BCAR1: variants seen among roughly 807,000 people sequenced by gnomAD.
BCAR1 encodes breast cancer anti-estrogen resistance protein 1.
BCAR1 carries 30 observed loss-of-function variants against 67.6 expected under a neutral mutation model. The observed-to-expected ratio is 0.44, with a 90% CI of 0.33 to 0.60. The LOEUF is 0.60. BCAR1 is among the 20% of genes least tolerant of loss of function. The pLI is 0.02. For synonymous variants in BCAR1, 626 were observed against 556.7 expected (o/e 1.12, Z -1.75); for missense variants, 1,313 against 1,222.3 (o/e 1.07, Z -1.11).
chr16:75,266,625 C>G, intron 1 of BCAR1: 2 of 936,990 alleles, frequency 2.1e-6, no homozygotes, highest in African/African-American at 1.7e-5. Flanking sequence ...TGGGCACGTG[C>G]ATGTTCGTCC....
At chr16:75,241,175 G>T (rs1450639377) in intron 2 of BCAR1, among the ~76,000 whole-genome samples, 6 of 152,222 alleles carry the variant, frequency 3.9e-5, no homozygotes, top group Admixed American at 1.3e-4. Context: ...ATGCACGTGT[G>T]TTTACACATA....
intron 1 of BCAR1, chr16:75,266,682 A>G: frequency 7.6e-7 from 1 of 1,318,186 alleles, no homozygotes. Flanking sequence ...GCCCCGTTAC[A>G]TTTCATAGGC....
intron 1 of BCAR1, chr16:75,250,747 TG>T: frequency 2.0e-6 from 2 of 985,490 alleles, no homozygotes; most frequent in Non-Finnish European, 2.4e-6. Context: ...CCCCCAACCA[TG>T]GACTCCAAAG....
At chr16:75,233,028 A>C (rs2076954828) in intron 6 of BCAR1, among the ~76,000 whole-genome samples, 2 of 152,060 alleles carry the variant, frequency 1.3e-5, no homozygotes, top group Admixed American at 1.3e-4. Context: ...AACTGATTCA[A>C]AATATGAGGA....
At chr16:75,257,145 T>C (rs905220946) in intron 1 of BCAR1, among the ~76,000 whole-genome samples, 2 of 152,030 alleles carry the variant, frequency 1.3e-5, no homozygotes, top group African/African-American at 4.8e-5. Flanking sequence ...ACTGGCCGGG[T>C]GGGCAGGGAT....
chr16:75,253,049 G>A (rs1361158131), upstream of BCAR1, among the ~76,000 whole-genome samples: 1 of 152,222 alleles, frequency 6.6e-6, no homozygotes, highest in South Asian at 2.1e-4. Context: ...ATGAGACAGA[G>A]CATGACCCAG....
chr16:75,255,688 C>T (rs187276487), upstream of BCAR1, among the ~76,000 whole-genome samples: 34 of 149,078 alleles, frequency 2.3e-4, no homozygotes, highest in African/African-American at 8.2e-4. Context: ...AAGGCTCCAT[C>T]TCAAAAAAAA....
rs369646650 is a variant in BCAR1, at chr16:75,238,322, G to C, written c.634-978C>G. ...TGCGCCCACACGCCTCCACCACCAG[G>C]CTCCCTGTTCAGCTCTCTCCACTGA... On this transcript the variant is annotated intron_variant, in intron 2 of 6. Transcript: ENST00000162330. 2.3e-5 allele frequency: 26 copies of C among 1,142,468 alleles called. 2 individuals are homozygous for C. In the Admixed American group the frequency reaches 3.9e-4, roughly 17 times the overall value. The allele number at this position is 1,142,468 out of a possible 1,614,324, so 70.8% of individuals were successfully genotyped here. A position where few individuals can be genotyped will look rare whatever the true frequency, so the allele number is the denominator to read the frequency against.
intron 4 of BCAR1, 116 bp from the exon 5 acceptor site, chr16:75,236,102 AGAGGCACG>A: frequency 1.5e-6 from 2 of 1,336,154 alleles, no homozygotes; most frequent in Non-Finnish European, 2.0e-6. Context: ...ACACACACAC[AGAGGCACG>A]CGCACACACA....
intron 2 of BCAR1, 150 bp downstream of exon 2, chr16:75,242,320 C>A (rs1334862861): frequency 3.2e-6 from 4 of 1,249,550 alleles, no homozygotes; most frequent in African/African-American, 1.5e-5. Flanking sequence ...GAACACCCCC[C>A]AAACACTCAC....
chr16:75,238,123 C>T, intron 2 of BCAR1: 2 of 1,288,102 alleles, frequency 1.6e-6, no homozygotes, highest in Non-Finnish European at 2.0e-6. Context: ...CCAAGGCCCG[C>T]ACAGTGGGTG....
intron 2 of BCAR1, chr16:75,239,154 T>G: frequency 2.1e-6 from 2 of 967,600 alleles, no homozygotes; most frequent in Non-Finnish European, 2.5e-6. Context: ...GGAAAAGCTC[T>G]TTAGGGGAAT....
At chr16:75,237,672 C>A (rs1428659701) in intron 2 of BCAR1, among the ~76,000 whole-genome samples, 2 of 152,178 alleles carry the variant, frequency 1.3e-5, no homozygotes, top group Non-Finnish European at 2.9e-5. Context: ...GGGTGAGGGG[C>A]TGAGGCCCTG....
chr16:75,256,375 C>T (rs117388600), upstream of BCAR1: 4,320 of 152,370 alleles, frequency 0.028, 105 homozygotes, highest in Non-Finnish European at 0.045. Flanking sequence ...GGAAGGTGGG[C>T]GGGCCCTATA....
At chr16:75,252,726 G>A (rs2077705512), upstream of BCAR1, among the ~76,000 whole-genome samples, 1 of 152,228 alleles carries the variant, frequency 6.6e-6, no homozygotes, top group Non-Finnish European at 1.5e-5. Context: ...TCTCAAGCAT[G>A]GCCTATGGAA....
At chr16:75,232,406 C>G (rs918329099) in intron 6 of BCAR1, among the ~76,000 whole-genome samples, 1 of 152,118 alleles carries the variant, frequency 6.6e-6, no homozygotes, top group Non-Finnish European at 1.5e-5. Context: ...GTGATCTGCC[C>G]GCCTTGGCCT....
chr16:75,265,611 A>C (rs1259796961), intron 1 of BCAR1, among the ~76,000 whole-genome samples: 1 of 151,922 alleles, frequency 6.6e-6, no homozygotes, highest in Admixed American at 6.5e-5. Flanking sequence ...AGCCCGATCC[A>C]GCTCTCCTGA....
Position 75,233,868 on chromosome 16 carries a change from T to C in BCAR1, c.2078A>G (p.Lys693Arg), listed in dbSNP as rs144649739. The C allele has an allele frequency of 1.0e-3, 1,602 of 1,609,180 alleles. 17 individuals are homozygous for C. The African/African-American group carries it at 0.018, about 19-fold the overall frequency. ...CACCTGCTGCAACTCCAGCTGGCTC[T>C]TGCCCTGCCGCGTGATGCTGCCCTT... Reference protein sequence around the residue: ...LEKGSITRQGKSQLELQQLKQ... With the variant: ...LEKGSITRQGRSQLELQQLKQ... Residue 693 changes from lysine (K) to arginine (R), a missense_variant, in exon 6 of 7, where the codon AAG becomes AGG. Physicochemically the swap from Lys to Arg is conservative, Grantham distance 26. This residue lies in a region of BCAR1 where 1,272 missense variants were observed against 1,137.5 expected (regional missense o/e 1.12). Coordinates refer to ENST00000162330, the MANE Select transcript of BCAR1 (RefSeq NM_014567.5).
At chr16:75,252,050 G>T (rs1447709577), upstream of BCAR1, among the ~76,000 whole-genome samples, 1 of 152,158 alleles carries the variant, frequency 6.6e-6, no homozygotes, top group Non-Finnish European at 1.5e-5. Context: ...TCCATGGGCC[G>T]TGGGACTCAA....
Sources: allele counts gnomAD v4.1 joint callset (sites outside exome capture counted in the v4.1 genomes callset), GRCh38; gene constraint gnomAD v4.1.1; regional missense constraint gnomAD v4.1.1; transcripts MANE v1.5; gene names NCBI Gene and HGNC (gene_info 2026-07-23, HGNC 2026-07-21).